The following PBX3 variants were observed in gnomAD, a reference collection of about 807,000 sequenced individuals.
PBX3 encodes the protein PBX homeobox 3, also known as pre-B-cell leukemia transcription factor 3.
PBX3 carries 14 observed loss-of-function variants against 48.5 expected under a neutral mutation model. The ratio of observed to expected loss-of-function variants is 0.29; its 90% CI spans 0.19 to 0.45. The LOEUF (loss-of-function observed/expected upper bound fraction) is 0.45, where lower values mean the gene tolerates loss of function less well. Among genes scored for constraint, PBX3 ranks in the 20% least tolerant of loss-of-function variants. The pLI is 1.00. For synonymous variants in PBX3, 210 were observed against 200.3 expected (o/e 1.05, Z -0.41); for missense variants, 386 against 546.7 (o/e 0.71, Z 2.93).
chr9:125,789,182 T>C (rs899267286), intron 2 of PBX3, among the ~76,000 whole-genome samples: 5 of 152,238 alleles, frequency 3.3e-5, no homozygotes, highest in Non-Finnish European at 7.3e-5. Context: ...ATGATAGATA[T>C]TGAAATTGCT....
At chr9:125,798,453 T>C (rs1173352686) in intron 2 of PBX3, among the ~76,000 whole-genome samples, 1 of 152,034 alleles carries the variant, frequency 6.6e-6, no homozygotes, top group Non-Finnish European at 1.5e-5. Flanking sequence ...AAACCCCTAC[T>C]AAGGATCCTT....
intron 2 of PBX3, among the ~76,000 whole-genome samples, chr9:125,836,877 T>C (rs1005997744): frequency 3.3e-5 from 5 of 152,192 alleles, no homozygotes; most frequent in African/African-American, 7.2e-5. Context: ...GATCAAAAAG[T>C]ATGATAACAG....
chr9:125,798,724 A>G (rs1337214811), intron 2 of PBX3, among the ~76,000 whole-genome samples: 1 of 152,102 alleles, frequency 6.6e-6, no homozygotes, highest in African/African-American at 2.4e-5. Context: ...CTGGTAACAC[A>G]TATATATGAA....
chr9:125,748,400 T>A (rs544036239), intron 1 of PBX3, 150 bp from the exon 2 acceptor site: 2 of 1,408,322 alleles, frequency 1.4e-6, no homozygotes, highest in African/African-American at 2.9e-5. Context: ...CGGGAACTAG[T>A]CAACTGGAGT....
intron 2 of PBX3, among the ~76,000 whole-genome samples, chr9:125,881,711 C>T (rs1343407765): frequency 6.6e-6 from 1 of 152,026 alleles, no homozygotes; most frequent in Non-Finnish European, 1.5e-5. Context: ...TCTTGGAACT[C>T]CAGGCCTCAA....
intron 2 of PBX3, among the ~76,000 whole-genome samples, chr9:125,771,970 G>T (rs180768444): frequency 6.6e-6 from 1 of 152,268 alleles, no homozygotes; most frequent in Admixed American, 6.5e-5. Context: ...TTCTTGTTGT[G>T]TCTGCTGGTA....
At chr9:125,749,756 C>T (rs546091268) in intron 2 of PBX3, among the ~76,000 whole-genome samples, 1 of 152,148 alleles carries the variant, frequency 6.6e-6, no homozygotes, top group East Asian at 1.9e-4. Context: ...GGTTGATAGG[C>T]GAGTCAGCCT....
chr9:125,808,516 A>G (rs1458786797), intron 2 of PBX3, among the ~76,000 whole-genome samples: 1 of 152,118 alleles, frequency 6.6e-6, no homozygotes, highest in African/African-American at 2.4e-5. Flanking sequence ...AATTTAAAAA[A>G]TTAGCCAGGT....
intron 3 of PBX3, among the ~76,000 whole-genome samples, chr9:125,916,543 C>T (rs1180862336): frequency 1.3e-5 from 2 of 152,132 alleles, no homozygotes; most frequent in Non-Finnish European, 2.9e-5. Flanking sequence ...ATCTGGTTCT[C>T]AGCAATTATA....
intron 5 of PBX3, among the ~76,000 whole-genome samples, chr9:125,947,925 A>G (rs1362941833): frequency 6.6e-6 from 1 of 152,248 alleles, no homozygotes; most frequent in Non-Finnish European, 1.5e-5. Flanking sequence ...ACAATTTCAA[A>G]GAAAAATAGA....
At chr9:125,769,251 C>T (rs1366827066) in intron 2 of PBX3, among the ~76,000 whole-genome samples, 1 of 152,166 alleles carries the variant, frequency 6.6e-6, no homozygotes, top group African/African-American at 2.4e-5. Context: ...ATGGCGCCAG[C>T]AGTTTTATCC....
At chr9:125,766,285 A>G (rs1210861351) in intron 2 of PBX3, among the ~76,000 whole-genome samples, 2 of 152,118 alleles carry the variant, frequency 1.3e-5, no homozygotes, top group African/African-American at 4.8e-5. Context: ...CATACAGTAT[A>G]AGAAAACTGC....
At chr9:125,895,143 A>G (rs1840739962) in intron 2 of PBX3, among the ~76,000 whole-genome samples, 1 of 152,098 alleles carries the variant, frequency 6.6e-6, no homozygotes, top group South Asian at 2.1e-4. Flanking sequence ...GTGTTTATAC[A>G]TCCACCTAGA....
intron 2 of PBX3, among the ~76,000 whole-genome samples, chr9:125,859,203 T>A (rs1839799779): frequency 6.6e-6 from 1 of 152,228 alleles, no homozygotes; most frequent in Non-Finnish European, 1.5e-5. Flanking sequence ...AGCTTAAATG[T>A]CACCTCTTTG....
intron 2 of PBX3, among the ~76,000 whole-genome samples, chr9:125,780,402 C>A (rs1271641548): frequency 6.0e-5 from 5 of 83,328 alleles, no homozygotes; most frequent in African/African-American, 1.1e-4. Context: ...GGCGGCTGGC[C>A]GGGCGGGGGG....
chr9:125,935,745 C>A, intron 5 of PBX3, 138 bp downstream of exon 5: 1 of 904,970 alleles, frequency 1.1e-6, no homozygotes, highest in Non-Finnish European at 1.6e-6. Flanking sequence ...GATATTTCCA[C>A]AGTTTTAGGC....
At chr9:125,782,188 G>T (rs538577132) in intron 2 of PBX3, among the ~76,000 whole-genome samples, 73 of 152,266 alleles carry the variant, frequency 4.8e-4, no homozygotes, top group African/African-American at 1.7e-3. Flanking sequence ...TCATAATCAT[G>T]GTGGAAGGTG....
chr9:125,848,401 G>A (rs1839484979), intron 2 of PBX3, among the ~76,000 whole-genome samples: 1 of 151,994 alleles, frequency 6.6e-6, no homozygotes, highest in Admixed American at 6.6e-5. Context: ...CTAGTTTCAT[G>A]CATGTCATTA....
intron 3 of PBX3, among the ~76,000 whole-genome samples, chr9:125,922,347 G>A (rs1841475385): frequency 6.6e-6 from 1 of 152,156 alleles, no homozygotes; most frequent in Non-Finnish European, 1.5e-5. Flanking sequence ...TTATTGCAGT[G>A]TGTGTTTTAA....
Sources: gnomAD v4.1 joint callset for allele counts (sites outside exome capture counted in the v4.1 genomes callset) on GRCh38, gnomAD v4.1.1 for gene constraint, MANE v1.5 for transcripts, NCBI Gene and HGNC (gene_info 2026-07-23, HGNC 2026-07-21) for gene names.